The following GLIS3 variants were observed in gnomAD, a reference collection of about 807,000 sequenced individuals.
GLIS3 encodes the protein zinc finger protein GLIS3.
In GLIS3, 53 loss-of-function variants were observed where a neutral mutation model predicts 78.6. That is an observed-to-expected ratio of 0.67 (90% CI 0.54 to 0.85). The LOEUF (loss-of-function observed/expected upper bound fraction) is 0.85. GLIS3 is among the 40% of genes least tolerant of loss of function. The pLI is 0.00. For synonymous variants in GLIS3, 684 were observed against 509.9 expected (o/e 1.34, Z -4.60); for missense variants, 1,703 against 1,231.1 (o/e 1.38, Z -5.74).
the GLIS3 span, among the ~76,000 whole-genome samples, chr9:4,482,978 T>G: frequency 6.6e-6 from 1 of 152,180 alleles, no homozygotes. Flanking sequence ...TTCTAACAAG[T>G]CTTTCAATTT....
chr9:4,489,173 C>T, the GLIS3 span, among the ~76,000 whole-genome samples: 1 of 152,180 alleles, frequency 6.6e-6, no homozygotes, highest in Non-Finnish European at 1.5e-5. Context: ...GGGTCCCCTT[C>T]TGACATTTCT....
At chr9:4,414,025 G>C in the GLIS3 span, among the ~76,000 whole-genome samples, 9 of 152,006 alleles carry the variant, frequency 5.9e-5, no homozygotes, top group Non-Finnish European at 1.3e-4. Flanking sequence ...GTGAAAGCCA[G>C]AACCATGCCA....
chr9:4,178,857 G>C (rs1482091681), intron 2 of GLIS3, among the ~76,000 whole-genome samples: 3 of 152,110 alleles, frequency 2.0e-5, no homozygotes, highest in Non-Finnish European at 2.9e-5. Flanking sequence ...AGGGTATCTA[G>C]CATAAACATT....
chr9:4,453,982 A>G, the GLIS3 span, among the ~76,000 whole-genome samples: 1 of 152,076 alleles, frequency 6.6e-6, no homozygotes, highest in Non-Finnish European at 1.5e-5. Context: ...TGTACCCTAG[A>G]ACTTAAAGTA....
At chr9:4,055,159 A>T (rs1454470202) in intron 4 of GLIS3, among the ~76,000 whole-genome samples, 1 of 152,202 alleles carries the variant, frequency 6.6e-6, no homozygotes, top group African/African-American at 2.4e-5. Context: ...GAACAGTGCA[A>T]CTGGGGCTCC....
the GLIS3 span, among the ~76,000 whole-genome samples, chr9:4,447,894 T>C: frequency 6.6e-6 from 1 of 152,236 alleles, no homozygotes; most frequent in African/African-American, 2.4e-5. Flanking sequence ...TCACTGTTTG[T>C]TTCTGTCCTT....
chr9:4,108,639 G>A (rs925185067), intron 4 of GLIS3, among the ~76,000 whole-genome samples: 3 of 152,134 alleles, frequency 2.0e-5, no homozygotes, highest in Admixed American at 6.5e-5. Context: ...AGTCAGCAGT[G>A]ACAATATATC....
intron 4 of GLIS3, among the ~76,000 whole-genome samples, chr9:3,973,855 C>T (rs1818564806): frequency 6.6e-6 from 1 of 152,080 alleles, no homozygotes; most frequent in African/African-American, 2.4e-5. Flanking sequence ...AAATTTTCGA[C>T]ATCTTATTTT....
chr9:4,152,094 T>G, intron 2 of GLIS3: 2 of 975,276 alleles, frequency 2.1e-6, no homozygotes, highest in Non-Finnish European at 2.4e-6. Flanking sequence ...AACACAATAT[T>G]TTTCTACGGC....
chr9:4,080,062 T>A (rs1375338656), intron 4 of GLIS3, among the ~76,000 whole-genome samples: 4 of 152,246 alleles, frequency 2.6e-5, no homozygotes, highest in African/African-American at 4.8e-5. Flanking sequence ...TAAAAGTGTT[T>A]GTGCAGGAAT....
chr9:4,075,426 A>AAAAAAAAAAAG, intron 4 of GLIS3, among the ~76,000 whole-genome samples: 2 of 150,722 alleles, frequency 1.3e-5, no homozygotes, highest in Non-Finnish European at 3.0e-5. Context: ...AAAAAAAAAA[A>AAAAAAAAAAAG]TTAGCTGGGC....
intron 9 of GLIS3, 62 bp downstream of exon 9, chr9:3,855,947 A>G: frequency 6.4e-7 from 1 of 1,551,232 alleles, no homozygotes; most frequent in South Asian, 1.1e-5. Context: ...GGTAACTAAG[A>G]TGAAAAGCAA....
intron 4 of GLIS3, among the ~76,000 whole-genome samples, chr9:4,102,957 G>A (rs1311502917): frequency 6.6e-6 from 1 of 151,718 alleles, no homozygotes; most frequent in Non-Finnish European, 1.5e-5. Flanking sequence ...GCAATAGAAA[G>A]GAAAAATACA....
At chr9:4,196,029 A>T (rs1818808994) in intron 2 of GLIS3, among the ~76,000 whole-genome samples, 1 of 151,598 alleles carries the variant, frequency 6.6e-6, no homozygotes, top group Non-Finnish European at 1.5e-5. Flanking sequence ...TCTAGTGGGG[A>T]CTTGGAGAAC....
chr9:3,970,558 C>T (rs1400663725), intron 4 of GLIS3, among the ~76,000 whole-genome samples: 1 of 152,094 alleles, frequency 6.6e-6, no homozygotes, highest in African/African-American at 2.4e-5. Flanking sequence ...TGCCCCTGAA[C>T]AAGGCCCAGG....
intron 2 of GLIS3, among the ~76,000 whole-genome samples, chr9:4,136,008 G>A (rs189448844): frequency 6.6e-6 from 1 of 152,124 alleles, no homozygotes; most frequent in Non-Finnish European, 1.5e-5. Flanking sequence ...AATACAGTAA[G>A]GCATGGCTAA....
intron 4 of GLIS3, among the ~76,000 whole-genome samples, chr9:4,108,241 A>C (rs1431183248): frequency 6.6e-6 from 1 of 152,158 alleles, no homozygotes; most frequent in East Asian, 1.9e-4. Flanking sequence ...TTTCTCGTTA[A>C]AATGTAGATA....
intron 8 of GLIS3, among the ~76,000 whole-genome samples, chr9:3,876,388 A>C (rs1588135383): frequency 6.6e-6 from 1 of 151,822 alleles, no homozygotes; most frequent in East Asian, 2.0e-4. Flanking sequence ...AACAAACAAA[A>C]ATCTCCAGCT....
At chr9:4,210,279 C>T (rs1586987067) in intron 2 of GLIS3, among the ~76,000 whole-genome samples, 1 of 152,136 alleles carries the variant, frequency 6.6e-6, no homozygotes, top group Non-Finnish European at 1.5e-5. Flanking sequence ...TTAATCATTC[C>T]ATCTTTGAAC....
Sources: allele counts gnomAD v4.1 joint callset (sites outside exome capture counted in the v4.1 genomes callset), GRCh38; gene constraint gnomAD v4.1.1; transcripts MANE v1.5; gene names NCBI Gene and HGNC (gene_info 2026-07-23, HGNC 2026-07-21).